The following SPAG16 variants were observed in gnomAD, a reference collection of about 807,000 sequenced individuals.
SPAG16 encodes sperm-associated antigen 16 protein.
A neutral mutation model predicts 80.4 loss-of-function variants in SPAG16; 86 were observed. The observed-to-expected ratio is 1.07, with a 90% confidence interval of 0.90 to 1.28. The LOEUF (loss-of-function observed/expected upper bound fraction) is 1.28. Among genes scored for constraint, SPAG16 ranks in the 50% most tolerant of loss-of-function variants. The pLI is 0.00. For missense variants in SPAG16, 870 were observed against 765.3 expected (o/e 1.14, Z -1.61); for synonymous variants, 294 against 265.9 (o/e 1.11, Z -1.03).
intron 4 of SPAG16, among the ~76,000 whole-genome samples, chr2:213,310,996 A>G (rs2063164853): frequency 6.6e-6 from 1 of 151,770 alleles, no homozygotes; most frequent in African/African-American, 2.4e-5. Context: ...ATTTTTACTC[A>G]TCCAGCTGTG....
chr2:214,277,815 G>A (rs530641640), intron 15 of SPAG16, among the ~76,000 whole-genome samples: 2 of 152,316 alleles, frequency 1.3e-5, no homozygotes, highest in East Asian at 1.9e-4. Context: ...CAAACGCTGT[G>A]CTGGAAGAAC....
chr2:214,372,034 C>T (rs896286349), intron 15 of SPAG16, among the ~76,000 whole-genome samples: 1 of 152,088 alleles, frequency 6.6e-6, no homozygotes, highest in Non-Finnish European at 1.5e-5. Flanking sequence ...CATTGCTAGA[C>T]CTTCTCCTGT....
In SPAG16 at chr2:213,777,237, A is replaced by ATTTTTT. The variant is rs59548915; in HGVS notation, c.1071-85226_1071-85221dup. Among the ~76,000 whole-genome samples the ATTTTTT allele has an allele frequency of 4.0e-4, 33 of 82,754 alleles. 5 individuals carry two copies. Among genetic ancestry groups the ATTTTTT allele is most frequent in the African/African-American group, 7.3e-4 (15 of 20,508 alleles). 54.3% of individuals were successfully genotyped at this position (82,754 alleles called of 152,430 possible). A position where few individuals can be genotyped will look rare whatever the true frequency, so the allele number is the denominator to read the frequency against. ...TTCAGCAAGTGTCCAGTTTGTAGGA[A>ATTTTTT]TTTTTTTTTTTTTTTTTTTTTTTTT... is the stretch of plus-strand genomic sequence containing the variant. On this transcript the variant is annotated intron_variant, in intron 10 of 15. Coordinates refer to ENST00000331683, the MANE Select transcript of SPAG16 (RefSeq NM_024532.5).
chr2:213,968,818 C>G (rs2106373601), intron 12 of SPAG16, among the ~76,000 whole-genome samples: 1 of 152,256 alleles, frequency 6.6e-6, no homozygotes, highest in South Asian at 2.1e-4. Flanking sequence ...TAATGAATGT[C>G]AAAGTGTTTT....
At chr2:214,400,243 A>G (rs1263231252) in intron 15 of SPAG16, among the ~76,000 whole-genome samples, 1 of 152,030 alleles carries the variant, frequency 6.6e-6, no homozygotes. Context: ...GCTATAGTTT[A>G]GGAATTTCTG....
intron 10 of SPAG16, among the ~76,000 whole-genome samples, chr2:213,765,919 C>T (rs949128962): frequency 1.2e-4 from 19 of 152,126 alleles, no homozygotes; most frequent in African/African-American, 3.1e-4. Context: ...ATCCAGATCC[C>T]GGTTCCTCAG....
intron 10 of SPAG16, among the ~76,000 whole-genome samples, chr2:213,778,084 T>A (rs2069715628): frequency 6.6e-6 from 1 of 152,068 alleles, no homozygotes; most frequent in South Asian, 2.1e-4. Flanking sequence ...CCAGGAAATC[T>A]AAATATATAG....
chr2:213,435,660 T>C lies in SPAG16; in HGVS notation c.943-54303T>C, dbSNP rs539388029. 1.1e-4 allele frequency among the ~76,000 whole-genome samples: 17 copies of C among 152,312 alleles called. No homozygotes were observed. In the South Asian group the frequency reaches 3.5e-3, roughly 32 times the overall value. ...CTCTTTAGTTATTGAACATTTTTCA[T>C]CCATATGGAGCTCAATATAATTTAG... On this transcript the variant is annotated intron_variant, in intron 9 of 15. Coordinates refer to ENST00000331683, the MANE Select transcript of SPAG16 (RefSeq NM_024532.5).
intron 15 of SPAG16, among the ~76,000 whole-genome samples, chr2:214,181,646 T>G (rs2057310221): frequency 6.6e-6 from 1 of 151,854 alleles, no homozygotes. Flanking sequence ...CCACTCTTAC[T>G]GCATTCTTTA....
rs577465772 is a variant in SPAG16, at chr2:214,061,718, A to G, written c.1528-46478A>G. ...TATGTTTGACCAAAAACTGGATACTATAGTTTAACAAAGTTGACACATAAA... is the reference window on the plus strand; with the variant it reads ...TATGTTTGACCAAAAACTGGATACTGTAGTTTAACAAAGTTGACACATAAA... On this transcript the variant is annotated intron_variant, in intron 13 of 15. Coordinates refer to ENST00000331683, the MANE Select transcript of SPAG16 (RefSeq NM_024532.5). Among the ~76,000 whole-genome samples, 3 of 152,230 alleles carry G rather than the reference A, an allele frequency of 2.0e-5. No homozygotes were observed. The South Asian group carries it at 6.2e-4, about 32-fold the overall frequency.
chr2:213,502,119 TTTG>T (rs2125779760), intron 10 of SPAG16, among the ~76,000 whole-genome samples: 1 of 152,250 alleles, frequency 6.6e-6, no homozygotes, highest in Admixed American at 6.5e-5. Flanking sequence ...ACGTTGTATC[TTTG>T]TTGTTGTTGC....
chr2:214,032,627 G>T (rs762254889), intron 13 of SPAG16, among the ~76,000 whole-genome samples: 1 of 152,184 alleles, frequency 6.6e-6, no homozygotes. Context: ...GATGCCACTG[G>T]ATTTACAGTT....
intron 10 of SPAG16, among the ~76,000 whole-genome samples, chr2:213,719,373 A>G (rs1476446681): frequency 1.3e-5 from 2 of 152,100 alleles, no homozygotes; most frequent in African/African-American, 4.8e-5. Flanking sequence ...GAATGCACCA[A>G]TCGACACTCT....
intron 10 of SPAG16, among the ~76,000 whole-genome samples, chr2:213,687,541 T>C (rs1053824384): frequency 2.0e-5 from 3 of 152,224 alleles, no homozygotes; most frequent in African/African-American, 7.2e-5. Context: ...AAATTCTAGA[T>C]TGGCGTCCTA....
At position 213,961,193 on chromosome 2, in the gene SPAG16, G is replaced by A. The variant is rs539215965; in HGVS notation, c.1400+31048G>A. Among the ~76,000 whole-genome samples, 39 of 152,228 alleles carry A rather than the reference G, an allele frequency of 2.6e-4. No homozygotes were observed. In the South Asian group the frequency reaches 6.8e-3, roughly 27 times the overall value. On this transcript the variant is annotated intron_variant, in intron 12 of 15. Coordinates refer to ENST00000331683, the MANE Select transcript of SPAG16 (RefSeq NM_024532.5). ...TTAGGTGGGAAGAAAGATTCCTGGTGCTTCTTATTCTGCCATCTCTCCAAA... is the reference window on the plus strand; with the variant it reads ...TTAGGTGGGAAGAAAGATTCCTGGTACTTCTTATTCTGCCATCTCTCCAAA...
chr2:214,358,309 C>A (rs970166657), intron 15 of SPAG16, among the ~76,000 whole-genome samples: 1 of 151,842 alleles, frequency 6.6e-6, no homozygotes, highest in African/African-American at 2.4e-5. Context: ...TTAAAGTACA[C>A]GGTTTTCTAG....
chr2:214,312,667 C>A (rs997780239), intron 15 of SPAG16, among the ~76,000 whole-genome samples: 1 of 152,090 alleles, frequency 6.6e-6, no homozygotes, highest in East Asian at 1.9e-4. Context: ...CACTAATAAT[C>A]TTTTATCACC....
At chr2:213,884,070 T>C (rs1005888326) in intron 11 of SPAG16, among the ~76,000 whole-genome samples, 2 of 152,196 alleles carry the variant, frequency 1.3e-5, no homozygotes, top group Non-Finnish European at 2.9e-5. Flanking sequence ...GGTTGTCATG[T>C]AGATTTTTAT....
At chr2:214,004,629 C>T (rs989922054) in intron 12 of SPAG16, among the ~76,000 whole-genome samples, 6 of 151,826 alleles carry the variant, frequency 4.0e-5, no homozygotes, top group Non-Finnish European at 7.4e-5. Flanking sequence ...AAGGTGTCCG[C>T]GGCTTATCAT....
Sources: allele counts gnomAD v4.1 joint callset (sites outside exome capture counted in the v4.1 genomes callset), GRCh38; gene constraint gnomAD v4.1.1; transcripts MANE v1.5; gene names NCBI Gene and HGNC (gene_info 2026-07-23, HGNC 2026-07-21).